Variants in GPR19 observed in about 807,000 individuals in gnomAD.
GPR19 encodes the protein G protein-coupled receptor 19.
A neutral mutation model predicts 28.5 loss-of-function variants in GPR19; 14 were observed. That is an observed-to-expected ratio of 0.49 (90% CI 0.32 to 0.77). GPR19 has a LOEUF of 0.77. GPR19 is among the 30% of genes least tolerant of loss of function. The pLI is 0.03. For synonymous variants in GPR19, 173 were observed against 184.1 expected, an observed-to-expected ratio of 0.94 and a Z score of 0.49; for missense variants, 409 against 504.1, an observed-to-expected ratio of 0.81 and a Z score of 1.81.
intron 2 of GPR19, among the ~76,000 whole-genome samples, chr12:12,691,147 C>T (rs1566164349): frequency 6.6e-6 from 1 of 150,624 alleles, no homozygotes; most frequent in Admixed American, 6.6e-5. Flanking sequence ...AAGGTCATAT[C>T]CCAAACTAAA....
chr12:12,664,349 A>G (rs1945727377), intron 3 of GPR19, among the ~76,000 whole-genome samples: 1 of 152,102 alleles, frequency 6.6e-6, no homozygotes, highest in South Asian at 2.1e-4. Context: ...GTGTTAATAT[A>G]TATAATCTTC....
chr12:12,692,269 C>T (rs1355749628), intron 2 of GPR19, among the ~76,000 whole-genome samples: 2 of 152,190 alleles, frequency 1.3e-5, no homozygotes, highest in African/African-American at 4.8e-5. Context: ...CTCCTTTGAC[C>T]AGCTGGCCAC....
At chr12:12,697,152 G>GGAAAAAAAAAAAA (rs1565413527), upstream of GPR19, among the ~76,000 whole-genome samples, 1 of 5,260 alleles carries the variant, frequency 1.9e-4, no homozygotes, top group African/African-American at 5.0e-4. Flanking sequence ...TTGAAGCGAA[G>GGAAAAAAAAAAAA]TAAAAAAAAA....
At chr12:12,678,578 T>C (rs1945971401) in intron 3 of GPR19, among the ~76,000 whole-genome samples, 1 of 152,212 alleles carries the variant, frequency 6.6e-6, no homozygotes, top group African/African-American at 2.4e-5. Flanking sequence ...AAGAATCTAC[T>C]AATGAGCACT....
chr12:12,713,757 C>T, the GPR19 span, among the ~76,000 whole-genome samples: 1 of 152,168 alleles, frequency 6.6e-6, no homozygotes, highest in Non-Finnish European at 1.5e-5. Flanking sequence ...GTCTTGAACT[C>T]CTGACATCAA....
upstream of GPR19, among the ~76,000 whole-genome samples, chr12:12,699,901 C>T (rs1433381337): frequency 1.3e-5 from 2 of 151,968 alleles, no homozygotes; most frequent in Non-Finnish European, 1.5e-5. Context: ...AGATAGCTGC[C>T]GCAGTTCCAA....
the GPR19 span, chr12:12,715,868 G>C: frequency 6.6e-6 from 1 of 152,232 alleles, no homozygotes; most frequent in Non-Finnish European, 1.5e-5. Context: ...TCACATTCTG[G>C]AGCGTATGAG....
the GPR19 span, among the ~76,000 whole-genome samples, chr12:12,713,772 T>C: frequency 3.7e-4 from 56 of 152,314 alleles, no homozygotes; most frequent in African/African-American, 1.3e-3. Flanking sequence ...CATCAAGTGA[T>C]CCACCTGCCT....
intron 2 of GPR19, among the ~76,000 whole-genome samples, chr12:12,693,024 A>G (rs1041628089): frequency 1.3e-5 from 2 of 152,236 alleles, no homozygotes; most frequent in African/African-American, 4.8e-5. Flanking sequence ...TCTTATATTC[A>G]ATAACTAAAG....
At chr12:12,689,383 G>A (rs954184785) in intron 2 of GPR19, among the ~76,000 whole-genome samples, 1 of 152,130 alleles carries the variant, frequency 6.6e-6, no homozygotes, top group Non-Finnish European at 1.5e-5. Flanking sequence ...ATGAAGCCAG[G>A]AGGTACCCTC....
chr12:12,695,802 A>C (rs1277881083), intron 1 of GPR19, among the ~76,000 whole-genome samples: 1 of 152,220 alleles, frequency 6.6e-6, no homozygotes, highest in Non-Finnish European at 1.5e-5. Context: ...CCTCCCAGGT[A>C]GGCTACAGAG....
chr12:12,664,814 G>T (rs141251973), intron 3 of GPR19, among the ~76,000 whole-genome samples: 171 of 151,478 alleles, frequency 1.1e-3, no homozygotes, highest in African/African-American at 4.0e-3. Context: ...CAGCTACTCG[G>T]GAGGCTGAGG....
intron 2 of GPR19, among the ~76,000 whole-genome samples, chr12:12,686,395 T>C (rs1196997127): frequency 2.0e-5 from 3 of 152,190 alleles, no homozygotes; most frequent in African/African-American, 7.2e-5. Context: ...TTTAAGAAAA[T>C]TCATTTATCA....
At chr12:12,692,730 A>C (rs1359946763) in intron 2 of GPR19, among the ~76,000 whole-genome samples, 1 of 152,004 alleles carries the variant, frequency 6.6e-6, no homozygotes, top group African/African-American at 2.4e-5. Flanking sequence ...ACTGGGCTTA[A>C]GCCCCTTTCT....
At chr12:12,690,499 A>G (rs954308041) in intron 2 of GPR19, among the ~76,000 whole-genome samples, 6 of 152,198 alleles carry the variant, frequency 3.9e-5, no homozygotes, top group African/African-American at 1.4e-4. Flanking sequence ...GGTCAGACCC[A>G]AGGTAGCTAC....
At chr12:12,686,705 G>T (rs34546678) in intron 2 of GPR19, among the ~76,000 whole-genome samples, 9,097 of 152,236 alleles carry the variant, frequency 0.06, 346 homozygotes, top group East Asian at 0.19. Flanking sequence ...CAGGCATAGT[G>T]TACTATGCTA....
rs532198976 is a variant in GPR19 at position 12,693,408 on chromosome 12, C to T, written c.-180+2051G>A. On this transcript the variant is annotated intron_variant, in intron 2 of 3. Coordinates refer to ENST00000651487, the MANE Select transcript of GPR19 (RefSeq NM_006143.3). ...TGAGGTATTGCAGGTTGTAAAGATC[C>T]GCCCCAACCCACTACTGCCATCAGC... is the stretch of plus-strand genomic sequence containing the variant. Among the ~76,000 whole-genome samples, 50 of 152,264 alleles carry T rather than the reference C, an allele frequency of 3.3e-4. No homozygotes were observed. In the South Asian group the frequency reaches 8.5e-3, roughly 26 times the overall value.
At position 12,686,921 on chromosome 12, in the gene GPR19, A is replaced by C. The variant is rs145118529; in HGVS notation, c.-179-2414T>G. Among the ~76,000 whole-genome samples, 57 of 152,342 alleles carry C rather than the reference A, an allele frequency of 3.7e-4. 1 individual carries two copies. Among genetic ancestry groups the C allele is most frequent in the Middle Eastern group, 6.8e-3 (2 of 294 alleles). On this transcript the variant is annotated intron_variant, in intron 2 of 3. Transcript: ENST00000651487. Reference sequence around the variant, plus strand: ...TGATATTTAAAATCATCTTGTAAGGAGTCATAACCCAAAATTTTATTAAGG... The same window carrying C: ...TGATATTTAAAATCATCTTGTAAGGCGTCATAACCCAAAATTTTATTAAGG...
chr12:12,708,753 A>G, the GPR19 span, among the ~76,000 whole-genome samples: 3 of 152,220 alleles, frequency 2.0e-5, no homozygotes, highest in African/African-American at 7.2e-5. Flanking sequence ...AACCTGCTTT[A>G]AAGTATTTAA....
Sources: allele counts gnomAD v4.1 joint callset (sites outside exome capture counted in the v4.1 genomes callset), GRCh38; gene constraint gnomAD v4.1.1; transcripts MANE v1.5; gene names NCBI Gene and HGNC (gene_info 2026-07-23, HGNC 2026-07-21).